Variants in SLC25A21 observed in about 807,000 individuals in gnomAD.
The protein encoded by SLC25A21 is mitochondrial 2-oxodicarboxylate carrier.
Under a neutral mutation model 43.8 loss-of-function variants are expected in SLC25A21, and 47 were observed. That is an observed-to-expected ratio of 1.07 (90% CI 0.85 to 1.37). The LOEUF is 1.37. Among genes scored for constraint, SLC25A21 ranks in the 40% most tolerant of loss-of-function variants. The pLI, the probability that SLC25A21 is intolerant of heterozygous loss-of-function variation, is 0.00. For missense variants in SLC25A21, 352 were observed against 350.2 expected (o/e 1.00, Z -0.04); for synonymous variants, 131 against 121.3 (o/e 1.08, Z -0.52).
chr14:37,086,121 C>T (rs1487475919), intron 1 of SLC25A21, among the ~76,000 whole-genome samples: 3 of 151,974 alleles, frequency 2.0e-5, no homozygotes, highest in Non-Finnish European at 4.4e-5. Context: ...AAAATGAAAA[C>T]TTGACAAATT....
chr14:36,778,178 T>C (rs1202076245), intron 3 of SLC25A21, among the ~76,000 whole-genome samples: 1 of 152,214 alleles, frequency 6.6e-6, no homozygotes, highest in Non-Finnish European at 1.5e-5. Flanking sequence ...CCCAAGCTTC[T>C]TCCTTGACCC....
chr14:37,033,851 A>C (rs1961270494), intron 1 of SLC25A21, among the ~76,000 whole-genome samples: 1 of 152,188 alleles, frequency 6.6e-6, no homozygotes, highest in African/African-American at 2.4e-5. Flanking sequence ...TTACATCTCA[A>C]AGTTATAAAA....
intron 1 of SLC25A21, among the ~76,000 whole-genome samples, chr14:37,113,058 G>C (rs762970510): frequency 6.6e-6 from 1 of 152,050 alleles, no homozygotes; most frequent in Non-Finnish European, 1.5e-5. Flanking sequence ...CTTAACTCTA[G>C]CTCGGTCAAG....
intron 1 of SLC25A21, among the ~76,000 whole-genome samples, chr14:36,886,247 T>A (rs989044954): frequency 6.6e-6 from 1 of 152,202 alleles, no homozygotes; most frequent in Non-Finnish European, 1.5e-5. Context: ...TACTCTCCCC[T>A]AATAATAGTT....
chr14:36,903,506 G>A (rs1283184004), intron 1 of SLC25A21, among the ~76,000 whole-genome samples: 4 of 150,668 alleles, frequency 2.7e-5, no homozygotes, highest in African/African-American at 7.3e-5. Context: ...CCAGCTACTC[G>A]GGAGGCTGAG....
intron 7 of SLC25A21, among the ~76,000 whole-genome samples, chr14:36,710,160 G>A (rs1240366456): frequency 6.6e-6 from 1 of 152,070 alleles, no homozygotes; most frequent in African/African-American, 2.4e-5. Flanking sequence ...TGAGGCGGGT[G>A]GGTTGCCTGA....
intron 1 of SLC25A21, among the ~76,000 whole-genome samples, chr14:37,077,701 A>G (rs1700311469): frequency 6.6e-6 from 1 of 152,204 alleles, no homozygotes; most frequent in Non-Finnish European, 1.5e-5. Flanking sequence ...AGACTTTTAC[A>G]TATGTGTGTA....
At chr14:37,092,769 AC>A (rs2138853042) in intron 1 of SLC25A21, among the ~76,000 whole-genome samples, 1 of 151,576 alleles carries the variant, frequency 6.6e-6, no homozygotes, top group African/African-American at 2.4e-5. Context: ...AATTTATCCC[AC>A]CTTTTTTTTT....
intron 6 of SLC25A21, among the ~76,000 whole-genome samples, chr14:36,724,343 C>G (rs1028385951): frequency 2.6e-5 from 4 of 152,198 alleles, no homozygotes; most frequent in Non-Finnish European, 4.4e-5. Flanking sequence ...CCCCATACCC[C>G]TGCCTGAGAA....
chr14:37,051,438 C>T (rs7141171), intron 1 of SLC25A21, among the ~76,000 whole-genome samples: 4,090 of 152,268 alleles, frequency 0.027, 71 homozygotes, highest in Middle Eastern at 0.048. Context: ...AATAGCCTAT[C>T]ATTTACAAAA....
At chr14:37,140,340 C>G (rs1024465253) in intron 1 of SLC25A21, among the ~76,000 whole-genome samples, 12 of 152,180 alleles carry the variant, frequency 7.9e-5, no homozygotes, top group African/African-American at 2.9e-4. Flanking sequence ...TATCCATTCC[C>G]TAGAACCACA....
At chr14:36,987,945 T>G (rs1046003667) in intron 1 of SLC25A21, among the ~76,000 whole-genome samples, 3 of 152,226 alleles carry the variant, frequency 2.0e-5, no homozygotes, top group Non-Finnish European at 2.9e-5. Context: ...TCATTATGTT[T>G]CTAAAGTTTG....
At chr14:36,850,263 T>C (rs1889683266) in intron 2 of SLC25A21, among the ~76,000 whole-genome samples, 1 of 152,190 alleles carries the variant, frequency 6.6e-6, no homozygotes, top group African/African-American at 2.4e-5. Flanking sequence ...CAACCAATAA[T>C]TGACTCTTTG....
intron 5 of SLC25A21, among the ~76,000 whole-genome samples, chr14:36,729,229 G>C (rs1028894983): frequency 2.6e-5 from 4 of 152,170 alleles, no homozygotes; most frequent in Admixed American, 2.6e-4. Context: ...GGTTTAAAAG[G>C]AGTCTTTGAT....
At chr14:37,025,980 C>T (rs969512747) in intron 1 of SLC25A21, among the ~76,000 whole-genome samples, 2 of 152,092 alleles carry the variant, frequency 1.3e-5, no homozygotes, top group Admixed American at 1.3e-4. Flanking sequence ...CTTATTTACA[C>T]TTTACGATGG....
In SLC25A21 at chr14:36,896,678, G is replaced by A. The variant is rs187895061; in HGVS notation, c.71-21674C>T. ...GCATGTTTTTCCAGTGGCTGGTACC[G>A]GTTGTTCCTTTCCATGTTTAGTACT... On this transcript the variant is annotated intron_variant, in intron 1 of 9. Coordinates refer to ENST00000331299, the MANE Select transcript of SLC25A21 (RefSeq NM_030631.4). 7.9e-4 allele frequency among the ~76,000 whole-genome samples: 120 copies of A among 152,238 alleles called. 1 individual carries two copies. Among genetic ancestry groups the A allele is most frequent in the East Asian group, 7.1e-3 (37 of 5,190 alleles).
chr14:37,015,176 C>T (rs1362968796), intron 1 of SLC25A21, among the ~76,000 whole-genome samples: 21 of 146,884 alleles, frequency 1.4e-4, no homozygotes, highest in South Asian at 2.3e-4. Context: ...TATCTCCTAA[C>T]GCTATCCCTC....
chr14:36,698,867 G>A (rs1052737107), intron 7 of SLC25A21, among the ~76,000 whole-genome samples: 12 of 152,016 alleles, frequency 7.9e-5, no homozygotes, highest in Admixed American at 2.0e-4. Context: ...GAATATCCTC[G>A]TTTAGCTCAG....
chr14:37,136,465 C>T (rs1594811232), intron 1 of SLC25A21, among the ~76,000 whole-genome samples: 1 of 152,148 alleles, frequency 6.6e-6, no homozygotes, highest in African/African-American at 2.4e-5. Flanking sequence ...GATATTCCTA[C>T]ATGCCAGAGA....
Sources: gnomAD v4.1 joint callset for allele counts (sites outside exome capture counted in the v4.1 genomes callset) on GRCh38, gnomAD v4.1.1 for gene constraint, MANE v1.5 for transcripts, NCBI Gene and HGNC (gene_info 2026-07-23, HGNC 2026-07-21) for gene names.